The following DYM variants were observed in gnomAD, a reference collection of about 807,000 sequenced individuals.
DYM encodes the protein dymeclin, also known as dyggve-Melchior-Clausen syndrome protein.
DYM carries 78 observed loss-of-function variants against 93.1 expected under a neutral mutation model. The ratio of observed to expected loss-of-function variants is 0.84; its 90% confidence interval spans 0.70 to 1.01. The LOEUF (loss-of-function observed/expected upper bound fraction) is 1.01, where lower values mean the gene tolerates loss of function less well. Ranked by LOEUF, DYM falls within the 50% of genes least tolerant of loss-of-function variation. The pLI, the probability that DYM is intolerant of heterozygous loss-of-function variation, is 0.00. For synonymous variants in DYM, 321 were observed against 319.7 expected (o/e 1.00, Z -0.04); for missense variants, 789 against 845.0 (o/e 0.93, Z 0.82).
chr18:49,139,079 G>GT (rs778065557), intron 15 of DYM, among the ~76,000 whole-genome samples: 1 of 152,074 alleles, frequency 6.6e-6, no homozygotes, highest in South Asian at 2.1e-4. Flanking sequence ...ATTAAGCTCA[G>GT]TTTTGAAAAC....
chr18:49,139,945 G>A (rs767712306), intron 15 of DYM, among the ~76,000 whole-genome samples: 9 of 151,732 alleles, frequency 5.9e-5, no homozygotes, highest in South Asian at 2.1e-4. Flanking sequence ...TAGGCACAGC[G>A]GTAATCCTGC....
chr18:49,044,203 T>G lies in DYM; in HGVS notation c.2027A>C (p.Lys676Thr), dbSNP rs754016026. The G allele has an allele frequency of 6.2e-7, 1 of 1,614,116 alleles. No individual in the cohort carries two copies. Among genetic ancestry groups the G allele is most frequent in the Admixed American group, 1.7e-5 (1 of 60,024 alleles). Residue 676 changes from lysine to threonine, a missense_variant and splice_region_variant, in exon 18 of 18, where the codon AAA (lysine) becomes ACA (threonine). Around this residue, in one of 3 missense-constraint regions of DYM, gnomAD observed 114 missense variants for 105.8 expected, o/e 1.08. Transcript: ENST00000675505. ...ATATTTGAATTTCAATTCTGGAAAT[T>G]TCTGCAATGAAAATAAGATGATTTT... ...VVALPKDRLK[K>T]FPELKFKYVE...
At chr18:49,458,024 C>A (rs535710727) in intron 1 of DYM, among the ~76,000 whole-genome samples, 3 of 152,168 alleles carry the variant, frequency 2.0e-5, no homozygotes, top group African/African-American at 7.2e-5. Flanking sequence ...GCCAGTGAGA[C>A]CCACTTTGAC....
At chr18:49,333,449 TGAA>T (rs1326528015) in intron 7 of DYM, among the ~76,000 whole-genome samples, 13 of 151,954 alleles carry the variant, frequency 8.6e-5, no homozygotes, top group African/African-American at 3.1e-4. Context: ...ATAGACAGAA[TGAA>T]GGAGATGGAA....
chr18:49,422,308 C>T (rs1192872596), intron 2 of DYM, among the ~76,000 whole-genome samples: 10 of 152,136 alleles, frequency 6.6e-5, no homozygotes, highest in South Asian at 4.1e-4. Context: ...GCGGATCTCT[C>T]GGCAGAAACT....
intron 14 of DYM, among the ~76,000 whole-genome samples, chr18:49,198,334 G>A (rs535985467): frequency 2.0e-4 from 30 of 152,212 alleles, no homozygotes; most frequent in Admixed American, 1.7e-3. Flanking sequence ...AGGACTTCAT[G>A]TCTAAAACAC....
chr18:49,152,374 C>T (rs1438410972), intron 15 of DYM, among the ~76,000 whole-genome samples: 2 of 152,142 alleles, frequency 1.3e-5, no homozygotes, highest in Admixed American at 1.3e-4. Flanking sequence ...ACTCTCAGAA[C>T]ATTTTTGGAA....
At chr18:49,303,091 A>T (rs905564251) in intron 8 of DYM, among the ~76,000 whole-genome samples, 1 of 152,174 alleles carries the variant, frequency 6.6e-6, no homozygotes, top group Non-Finnish European at 1.5e-5. Flanking sequence ...AAAAGGAAAC[A>T]GTTGCTAGTC....
intron 15 of DYM, among the ~76,000 whole-genome samples, chr18:49,140,302 A>C (rs1344722462): frequency 2.0e-5 from 3 of 152,196 alleles, no homozygotes; most frequent in African/African-American, 7.2e-5. Flanking sequence ...TTTTGATAGG[A>C]AAATGACAAA....
intron 2 of DYM, among the ~76,000 whole-genome samples, chr18:49,400,244 A>C (rs750720849): frequency 7.9e-5 from 12 of 151,856 alleles, no homozygotes; most frequent in Non-Finnish European, 1.6e-4. Context: ...CCCAGACTAA[A>C]AGACATTTCT....
intron 15 of DYM, among the ~76,000 whole-genome samples, chr18:49,132,220 C>G: frequency 6.6e-6 from 1 of 152,002 alleles, no homozygotes; most frequent in Non-Finnish European, 1.5e-5. Flanking sequence ...TACTTCAGCA[C>G]AAGAAAAATA....
chr18:49,351,119 A>G (rs1399118513), intron 6 of DYM, among the ~76,000 whole-genome samples: 3 of 152,066 alleles, frequency 2.0e-5, no homozygotes, highest in African/African-American at 7.2e-5. Context: ...AGTTTTAGAG[A>G]GACTTAAAAA....
At chr18:49,313,126 C>A (rs577830058) in intron 8 of DYM, among the ~76,000 whole-genome samples, 3 of 151,912 alleles carry the variant, frequency 2.0e-5, no homozygotes, top group Non-Finnish European at 4.4e-5. Context: ...AGGATGAGAC[C>A]GGAGGTCAAC....
intron 8 of DYM, among the ~76,000 whole-genome samples, chr18:49,322,266 T>G (rs915493131): frequency 2.0e-5 from 3 of 152,118 alleles, no homozygotes; most frequent in African/African-American, 7.2e-5. Context: ...TATCAGAAGT[T>G]ATTGTGTAAA....
chr18:49,314,643 TGTACTG>T (rs1018186886), intron 8 of DYM, among the ~76,000 whole-genome samples: 3 of 152,278 alleles, frequency 2.0e-5, no homozygotes, highest in Admixed American at 2.0e-4. Flanking sequence ...GTTTGGCAAT[TGTACTG>T]TTTACAATAT....
chr18:49,444,768 C>G (rs2081959493), intron 1 of DYM, among the ~76,000 whole-genome samples: 1 of 152,094 alleles, frequency 6.6e-6, no homozygotes, highest in Non-Finnish European at 1.5e-5. Context: ...CGTTAAGTAT[C>G]AAGAAAAGAG....
chr18:49,104,023 A>G (rs1273538234), intron 16 of DYM, among the ~76,000 whole-genome samples: 2 of 152,112 alleles, frequency 1.3e-5, no homozygotes, highest in East Asian at 3.8e-4. Flanking sequence ...TTATCACGAT[A>G]TTGATTCTTC....
At chr18:49,290,361 C>T (rs1169256558) in intron 8 of DYM, among the ~76,000 whole-genome samples, 1 of 150,668 alleles carries the variant, frequency 6.6e-6, no homozygotes, top group Non-Finnish European at 1.5e-5. Context: ...TCCATATGTA[C>T]ATATTTAAAA....
At chr18:49,077,511 T>G (rs2077405440) in intron 17 of DYM, among the ~76,000 whole-genome samples, 1 of 152,250 alleles carries the variant, frequency 6.6e-6, no homozygotes, top group South Asian at 2.1e-4. Flanking sequence ...GGTGAGGTAG[T>G]TGATAGTCTT....
Sources: allele counts gnomAD v4.1 joint callset (sites outside exome capture counted in the v4.1 genomes callset), GRCh38; gene constraint gnomAD v4.1.1; regional missense constraint gnomAD v4.1.1; transcripts MANE v1.5; gene names NCBI Gene and HGNC (gene_info 2026-07-23, HGNC 2026-07-21).